The following KIAA0408 variants were observed in gnomAD, a reference collection of about 807,000 sequenced individuals.
KIAA0408 encodes the protein uncharacterized protein KIAA0408.
In KIAA0408, 51 loss-of-function variants were observed where a neutral mutation model predicts 60.9. That is an observed-to-expected ratio of 0.84 (90% CI 0.67 to 1.06). The LOEUF is 1.06. KIAA0408 is among the 50% of genes least tolerant of loss of function. The pLI, the probability that KIAA0408 is intolerant of heterozygous loss-of-function variation, is 0.00. For synonymous variants in KIAA0408, 304 were observed against 282.4 expected (o/e 1.08, Z -0.77); for missense variants, 787 against 833.9 (o/e 0.94, Z 0.69).
intron 5 of KIAA0408, 130 bp downstream of exon 5, chr6:127,446,278 A>T: frequency 2.1e-6 from 3 of 1,440,094 alleles, no homozygotes; most frequent in Non-Finnish European, 2.8e-6. Flanking sequence ...ATTTACAAAC[A>T]GGGTCAAGAG....
rs1773144193 is a variant in KIAA0408 at position 127,443,948 on chromosome 6, G to A, written c.*161C>T. The A allele has an allele frequency of 1.6e-6, 1 of 630,436 alleles. No homozygotes were observed. The highest frequency in any genetic ancestry group is 2.7e-6 in the Non-Finnish European group (1 of 375,388). The allele number at this position is 630,436 out of a possible 1,614,324, so 39.1% of individuals were successfully genotyped here. A position where few individuals can be genotyped will look rare whatever the true frequency, so the allele number is the denominator to read the frequency against. On this transcript the variant is annotated 3_prime_UTR_variant, in exon 6 of 6. Transcript: ENST00000483725. ...TTCTGATCTAAGAAATCAAAATGCA[G>A]GAAGATAATTATTCCTTAGATTAAA...
In KIAA0408 at chr6:127,453,907, A is replaced by C; in HGVS notation, c.75T>G (p.Phe25Leu). ...TTTCCCATTCCTTTCTTTCATTGTC[A>C]AACTGGTCCAGTAATTCCATCTTTT... ...HKEKMELLDQ[F>L]DNERKEWESQ... The change falls in exon 2 of 6, where the codon TTT (phenylalanine) becomes TTG (leucine). Residue 25 changes from phenylalanine to leucine, a missense_variant. Physicochemically the swap from Phe to Leu is conservative, Grantham distance 22 (BLOSUM62 0). This residue lies in a region of KIAA0408 where 640 missense variants were observed against 681.3 expected (regional missense o/e 0.94). Transcript: ENST00000483725. The C allele has an allele frequency of 6.2e-7, 1 of 1,612,970 alleles. No homozygotes were observed. Among genetic ancestry groups the C allele is most frequent in the Non-Finnish European group, 8.5e-7 (1 of 1,179,236 alleles).
intron 5 of KIAA0408, 74 bp downstream of exon 5, chr6:127,446,334 T>C (rs1268887885): frequency 6.5e-7 from 1 of 1,529,818 alleles, no homozygotes; most frequent in African/African-American, 1.4e-5. Context: ...TTTATATGAA[T>C]TGGACATATA....
chr6:127,449,769 A>C, intron 4 of KIAA0408, 53 bp downstream of exon 4: 3 of 1,608,478 alleles, frequency 1.9e-6, no homozygotes, highest in Non-Finnish European at 2.5e-6. Context: ...ATTAACTAAA[A>C]ACAATATTAT....
chr6:127,451,271 T>C (rs756563840), intron 2 of KIAA0408: 1 of 455,710 alleles, frequency 2.2e-6, no homozygotes, highest in South Asian at 1.6e-5. Flanking sequence ...TTATTGCTGC[T>C]TAATACATAC....
Position 127,450,196 on chromosome 6 carries a change from T to G in KIAA0408, c.292A>C (p.Lys98Gln), listed in dbSNP as rs1487725597. ...TTATTTTCTTTTCTCAGACCATCTT[T>G]GTGATTCGTCCTTATAAATTCACTT... is the stretch of plus-strand genomic sequence containing the variant. ...GQSEFIRTNH[K>Q]DGLRKENKRE... The change falls in exon 3 of 6, where the codon AAA becomes CAA. Residue 98 changes from lysine (K) to glutamine (Q), a missense_variant. By Grantham distance (53) the Lys-to-Gln change is moderately conservative. Transcript: ENST00000483725. The G allele has an allele frequency of 6.2e-7, 1 of 1,614,102 alleles. No individual in the cohort carries two copies. The highest frequency in any genetic ancestry group is 1.1e-5 in the South Asian group (1 of 91,072).
chr6:127,446,111 G>C (rs1311347912), intron 5 of KIAA0408, among the ~76,000 whole-genome samples: 3 of 152,142 alleles, frequency 2.0e-5, no homozygotes, highest in Non-Finnish European at 2.9e-5. Flanking sequence ...TCCATTCTGA[G>C]TATTTTTTCA....
rs752186715 is a variant in KIAA0408, at chr6:127,444,219, G to A, written c.1975C>T (p.Arg659Cys). The change falls in exon 6 of 6, where the codon CGT (arginine) becomes TGT (cysteine). Residue 659 changes from arginine to cysteine, a missense_variant. Coordinates refer to ENST00000483725, the MANE Select transcript of KIAA0408 (RefSeq NM_014702.5). Reference protein sequence around the residue: ...GFSRPARPANRRLPSRWASRS... With the variant: ...GFSRPARPANCRLPSRWASRS... ...GATGCCCATCTGGAGGGGAGACGACGATTTGCTGGTCTAGCAGGTCGGGAA... is the reference window on the plus strand; with the variant it reads ...GATGCCCATCTGGAGGGGAGACGACAATTTGCTGGTCTAGCAGGTCGGGAA... The A allele has an allele frequency of 3.7e-6, 6 of 1,613,310 alleles. No homozygotes were observed. The highest frequency in any genetic ancestry group is 3.3e-4 in the Middle Eastern group (2 of 6,050).
chr6:127,444,348 G>T, intron 5 of KIAA0408, 66 bp from the exon 6 acceptor site: 3 of 1,237,326 alleles, frequency 2.4e-6, no homozygotes, highest in Non-Finnish European at 3.3e-6. Context: ...ATATATGATG[G>T]GTCTCAACTA....
chr6:127,451,135 G>A (rs1244488161), intron 2 of KIAA0408: 1 of 361,414 alleles, frequency 2.8e-6, no homozygotes, highest in Non-Finnish European at 5.4e-6. Context: ...CTTTAGGCTT[G>A]GGTCATGTAA....
In KIAA0408 at chr6:127,453,976, G is replaced by T. The variant is rs759791625; in HGVS notation, c.6C>A (p.Asp2Glu). M[D>E]LHKQWENTET... is the part of the protein sequence containing the mutation. ...CTGTGTTCTCCCACTGCTTATGTAG[G>T]TCCATGGCAACAGTGTAAGTGTCAG... is the stretch of plus-strand genomic sequence containing the variant. Residue 2 changes from aspartate to glutamate, a missense_variant, in exon 2 of 6, where the codon GAC (aspartate) becomes GAA (glutamate). Asp to Glu is a conservative substitution (Grantham distance 45). Coordinates refer to ENST00000483725, the MANE Select transcript of KIAA0408 (RefSeq NM_014702.5). The T allele has an allele frequency of 1.9e-6, 3 of 1,611,390 alleles. No homozygotes were observed. Among genetic ancestry groups the T allele is most frequent in the Non-Finnish European group, 2.5e-6 (3 of 1,178,522 alleles).
intron 2 of KIAA0408, among the ~76,000 whole-genome samples, chr6:127,453,439 A>C (rs1303216591): frequency 6.6e-6 from 1 of 152,054 alleles, no homozygotes; most frequent in East Asian, 1.9e-4. Context: ...GACATTACTC[A>C]TAAATCTTCT....
Position 127,447,651 on chromosome 6 carries a change from A to C in KIAA0408, c.668T>G (p.Leu223Arg), listed in dbSNP as rs1205310977. ...TTTTTCTTTTTCTAAACTGATTGGA[A>C]GAATGCACTGGTCATTGTTGATCAT... Reference protein sequence around the residue: ...DPMINNDQCILPISLEKEKQK... With the variant: ...DPMINNDQCIRPISLEKEKQK... Residue 223 changes from leucine to arginine, a missense_variant, in exon 5 of 6, where the codon CTT becomes CGT. Around this residue, in one of 3 missense-constraint regions of KIAA0408, gnomAD observed 640 missense variants for 681.3 expected, o/e 0.94. Coordinates refer to ENST00000483725, the MANE Select transcript of KIAA0408 (RefSeq NM_014702.5). The C allele has an allele frequency of 2.5e-6, 4 of 1,611,724 alleles. No individual in the cohort carries two copies. The highest frequency in any genetic ancestry group is 2.5e-6 in the Non-Finnish European group (3 of 1,179,252).
chr6:127,451,001 A>ATTG (rs1773293522), intron 2 of KIAA0408: 1 of 167,960 alleles, frequency 6.0e-6, no homozygotes, highest in African/African-American at 2.4e-5. Flanking sequence ...ATAGAACTGC[A>ATTG]AGGCTTTGAT....
In KIAA0408 at chr6:127,448,264, G is replaced by A. The variant is rs185265819; in HGVS notation, c.579-524C>T. Among the ~76,000 whole-genome samples, 499 of 152,200 alleles carry A rather than the reference G, an allele frequency of 3.3e-3. 6 individuals carry two copies. The highest frequency in any genetic ancestry group is 0.012 in the African/African-American group (484 of 41,536). On this transcript the variant is annotated intron_variant, in intron 4 of 5. Transcript: ENST00000483725. ...AAGTGTCATTTGGTCTTGAAAAAAA[G>A]TAAAAATTTTTTGGATGACTTGAGT...
At chr6:127,449,735 G>T in intron 4 of KIAA0408, 87 bp downstream of exon 4, 1 of 1,535,990 alleles carries the variant, frequency 6.5e-7, no homozygotes, top group Non-Finnish European at 8.9e-7. Flanking sequence ...GTTCTTACAT[G>T]TAAGGAGGAG....
At chr6:127,453,804 G>C in intron 2 of KIAA0408, 43 bp downstream of exon 2, 1 of 1,583,750 alleles carries the variant, frequency 6.3e-7, no homozygotes, top group Non-Finnish European at 8.6e-7. Context: ...TTTTCATCCT[G>C]CACTTAAACA....
In KIAA0408 at chr6:127,447,190, A is replaced by G. The variant is rs1359074743; in HGVS notation, c.1129T>C (p.Trp377Arg). 6.2e-7 allele frequency: 1 copy of G among 1,612,438 alleles called. No individual in the cohort carries two copies. Among genetic ancestry groups the G allele is most frequent in the Non-Finnish European group, 8.5e-7 (1 of 1,179,374 alleles). Residue 377 changes from tryptophan to arginine, a missense_variant, in exon 5 of 6, where the codon TGG (tryptophan) becomes CGG (arginine). By Grantham distance (101) the Trp-to-Arg change is moderately radical. Transcript: ENST00000483725. ...GGGGTAGAGCAGGTTTTCTGAAACC[A>G]CGAAGTAGAGGGGCTCCTTTTTGCA... is the stretch of plus-strand genomic sequence containing the variant. ...IGAKRSPSTS[W>R]FQKTCSTPSN...
chr6:127,447,017 C>G lies in KIAA0408; in HGVS notation c.1302G>C (p.Arg434Ser), dbSNP rs1326073816. ...CAGTCTTTGCTGCCAGCTTCTCATT[C>G]CTTGTAGTCCTTTCAAAGCCACAAC... ...NFSCGFERTT[R>S]NEKLAAKTDE... The change falls in exon 5 of 6, where the codon AGG (arginine) becomes AGC (serine). Residue 434 changes from arginine to serine, a missense_variant. Coordinates refer to ENST00000483725, the MANE Select transcript of KIAA0408 (RefSeq NM_014702.5). 1.2e-6 allele frequency: 2 copies of G among 1,613,400 alleles called. No homozygotes were observed. Among genetic ancestry groups the G allele is most frequent in the Admixed American group, 1.7e-5 (1 of 59,948 alleles).
Sources: allele counts gnomAD v4.1 joint callset (sites outside exome capture counted in the v4.1 genomes callset), GRCh38; gene constraint gnomAD v4.1.1; regional missense constraint gnomAD v4.1.1; transcripts MANE v1.5; gene names NCBI Gene and HGNC (gene_info 2026-07-23, HGNC 2026-07-21).